Variants in SCHIP1 observed in about 807,000 individuals in gnomAD.
SCHIP1 encodes the protein schwannomin interacting protein 1.
A neutral mutation model predicts 29.7 loss-of-function variants in SCHIP1; 8 were observed. That is an observed-to-expected ratio of 0.27 (90% confidence interval 0.16 to 0.49). The LOEUF is 0.49. SCHIP1 is among the 20% of genes least tolerant of loss of function. The pLI, the probability that SCHIP1 is intolerant of heterozygous loss-of-function variation, is 0.99. For synonymous variants in SCHIP1, 76 were observed against 94.9 expected (o/e 0.80, Z 1.16); for missense variants, 193 against 294.6 (o/e 0.66, Z 2.52).
At chr3:159,312,305 G>A in the SCHIP1 span, among the ~76,000 whole-genome samples, 3 of 152,144 alleles carry the variant, frequency 2.0e-5, no homozygotes, top group South Asian at 6.2e-4. Context: ...TCACAGATTG[G>A]TGAGAAAGTG....
At chr3:159,772,934 T>C in the SCHIP1 span, among the ~76,000 whole-genome samples, 1 of 152,108 alleles carries the variant, frequency 6.6e-6, no homozygotes, top group African/African-American at 2.4e-5. Context: ...AGAGACGGGA[T>C]TTCACTATGT....
intron 6 of SCHIP1, among the ~76,000 whole-genome samples, chr3:159,895,117 C>T (rs1054554957): frequency 1.3e-5 from 2 of 152,116 alleles, no homozygotes; most frequent in Admixed American, 6.5e-5. Flanking sequence ...GAGTTAGTCA[C>T]GAAAATGTTT....
chr3:159,847,699 T>C (rs1712022204), intron 1 of SCHIP1, among the ~76,000 whole-genome samples: 1 of 152,144 alleles, frequency 6.6e-6, no homozygotes, highest in Non-Finnish European at 1.5e-5. Flanking sequence ...ATCTTTTAGA[T>C]GTAGGAAAAT....
At chr3:159,753,113 A>G in the SCHIP1 span, among the ~76,000 whole-genome samples, 1 of 152,116 alleles carries the variant, frequency 6.6e-6, no homozygotes, top group Non-Finnish European at 1.5e-5. Flanking sequence ...TAGTTCTATA[A>G]GTGCTAGAAT....
chr3:159,538,309 T>C, the SCHIP1 span, among the ~76,000 whole-genome samples: 1 of 152,168 alleles, frequency 6.6e-6, no homozygotes, highest in Admixed American at 6.6e-5. Context: ...AAAAATTATA[T>C]GGTTTTTGTC....
chr3:159,577,117 C>T, the SCHIP1 span, among the ~76,000 whole-genome samples: 26 of 152,200 alleles, frequency 1.7e-4, no homozygotes, highest in Admixed American at 2.6e-4. Context: ...TCCTAAGGTA[C>T]GTTTCAAGTA....
chr3:159,647,451 G>C, the SCHIP1 span, among the ~76,000 whole-genome samples: 1 of 152,118 alleles, frequency 6.6e-6, no homozygotes, highest in Non-Finnish European at 1.5e-5. Flanking sequence ...GGGGACTGTA[G>C]ATCCTTCTCA....
chr3:159,881,845 G>A (rs1393796170), intron 2 of SCHIP1, among the ~76,000 whole-genome samples: 1 of 152,206 alleles, frequency 6.6e-6, no homozygotes, highest in Admixed American at 6.5e-5. Context: ...AGCTGGGCTT[G>A]GACAGGCTTA....
chr3:159,750,276 TATATATATATATATATATATACAC>T, the SCHIP1 span, among the ~76,000 whole-genome samples: 2 of 15,638 alleles, frequency 1.3e-4, no homozygotes, highest in Non-Finnish European at 2.7e-4. Flanking sequence ...TATATATATA[TATATATATATATATATATATACAC>T]ACACACACAC....
At chr3:159,522,506 A>G in the SCHIP1 span, among the ~76,000 whole-genome samples, 3 of 152,250 alleles carry the variant, frequency 2.0e-5, no homozygotes. Flanking sequence ...TGCTCTATGA[A>G]TATGCATGTA....
the SCHIP1 span, among the ~76,000 whole-genome samples, chr3:159,314,640 G>A: frequency 1.3e-5 from 2 of 152,148 alleles, no homozygotes; most frequent in African/African-American, 4.8e-5. Flanking sequence ...ATGAAACTGA[G>A]GCCAACACTG....
At chr3:159,877,510 GGAACC>G (rs1715950521) in intron 2 of SCHIP1, among the ~76,000 whole-genome samples, 1 of 152,142 alleles carries the variant, frequency 6.6e-6, no homozygotes, top group African/African-American at 2.4e-5. Context: ...AGCTTACCAT[GGAACC>G]AAGCCTAAAT....
upstream of SCHIP1, among the ~76,000 whole-genome samples, chr3:159,838,628 C>T (rs373063772): frequency 2.6e-5 from 4 of 152,222 alleles, no homozygotes; most frequent in African/African-American, 4.8e-5. Flanking sequence ...CGGTGGCTCA[C>T]GCCTATAATC....
chr3:159,675,417 A>G, the SCHIP1 span, among the ~76,000 whole-genome samples: 6 of 152,358 alleles, frequency 3.9e-5, 1 homozygote, highest in African/African-American at 1.4e-4. Flanking sequence ...CCAACTATGT[A>G]TGATGAGTAA....
the SCHIP1 span, among the ~76,000 whole-genome samples, chr3:159,558,110 G>GC: frequency 2.6e-5 from 4 of 152,286 alleles, no homozygotes; most frequent in South Asian, 8.3e-4. Flanking sequence ...GAAGGTGCCT[G>GC]TGGAACCAGG....
chr3:159,423,127 G>A, the SCHIP1 span, among the ~76,000 whole-genome samples: 8 of 152,316 alleles, frequency 5.3e-5, no homozygotes, highest in East Asian at 3.9e-4. Context: ...CAGCGTGAGC[G>A]AGGCAGAAGA....
chr3:159,756,472 G>A, the SCHIP1 span, among the ~76,000 whole-genome samples: 2 of 152,136 alleles, frequency 1.3e-5, no homozygotes, highest in East Asian at 1.9e-4. Flanking sequence ...CCTGGCCCAC[G>A]GCCCACAAAA....
the SCHIP1 span, among the ~76,000 whole-genome samples, chr3:159,707,983 C>G: frequency 7.2e-5 from 11 of 152,286 alleles, no homozygotes; most frequent in African/African-American, 2.4e-4. Context: ...CTCCCTCCCA[C>G]TTCTTTCTCG....
the SCHIP1 span, among the ~76,000 whole-genome samples, chr3:159,357,960 C>A: frequency 1.3e-5 from 2 of 152,202 alleles, no homozygotes; most frequent in African/African-American, 4.8e-5. Context: ...ATTCTGCCCC[C>A]AAGGGGCACA....
Sources: allele counts gnomAD v4.1 joint callset (sites outside exome capture counted in the v4.1 genomes callset), GRCh38; gene constraint gnomAD v4.1.1; transcripts MANE v1.5; gene names NCBI Gene and HGNC (gene_info 2026-07-23, HGNC 2026-07-21).